Variants in PDLIM5 observed in about 807,000 individuals in gnomAD.
PDLIM5 encodes the protein PDZ and LIM domain protein 5.
A neutral mutation model predicts 64.2 loss-of-function variants in PDLIM5; 34 were observed. The ratio of observed to expected loss-of-function variants is 0.53; its 90% CI spans 0.40 to 0.71. The LOEUF is 0.71. Ranked by LOEUF, PDLIM5 falls within the 30% of genes least tolerant of loss-of-function variation. PDLIM5 has a pLI of 0.00. For synonymous variants in PDLIM5, 253 were observed against 269.1 expected, an observed-to-expected ratio of 0.94 and a Z score of 0.59; for missense variants, 683 against 733.6, an observed-to-expected ratio of 0.93 and a Z score of 0.80.
chr4:94,608,075 G>A, intron 7 of PDLIM5: 7 of 1,531,494 alleles, frequency 4.6e-6, no homozygotes, highest in Middle Eastern at 1.7e-4. Flanking sequence ...CAGTGCTCTG[G>A]AAGACCTACC....
At chr4:94,491,327 T>A (rs1177613390) in intron 2 of PDLIM5, among the ~76,000 whole-genome samples, 1 of 152,180 alleles carries the variant, frequency 6.6e-6, no homozygotes, top group African/African-American at 2.4e-5. Context: ...CTGACATTGA[T>A]TATCCTTATC....
At chr4:94,476,872 T>C (rs1433892524) in intron 2 of PDLIM5, among the ~76,000 whole-genome samples, 1 of 152,236 alleles carries the variant, frequency 6.6e-6, no homozygotes, top group Non-Finnish European at 1.5e-5. Context: ...TGTAAAATAG[T>C]TATTAACAGT....
intron 3 of PDLIM5, among the ~76,000 whole-genome samples, chr4:94,563,946 T>TC (rs35394371): frequency 0.59 from 85,722 of 144,296 alleles, 28,215 homozygotes; most frequent in African/African-American, 0.88. Flanking sequence ...TCTTTTTTTT[T>TC]TTTCTTTCTT....
intron 2 of PDLIM5, among the ~76,000 whole-genome samples, chr4:94,513,349 C>A: frequency 6.6e-6 from 1 of 152,162 alleles, no homozygotes; most frequent in Non-Finnish European, 1.5e-5. Flanking sequence ...AATATTGATT[C>A]TTTCAATCCA....
intron 3 of PDLIM5, 141 bp downstream of exon 3, chr4:94,524,016 T>C: frequency 1.7e-6 from 1 of 585,966 alleles, no homozygotes; most frequent in East Asian, 2.8e-5. Flanking sequence ...GGCTCTTAAA[T>C]TGGATAATTA....
chr4:94,638,381 A>G (rs1258569690), intron 8 of PDLIM5, among the ~76,000 whole-genome samples: 4 of 152,204 alleles, frequency 2.6e-5, no homozygotes, highest in Admixed American at 1.3e-4. Context: ...AACATGGGCA[A>G]TAATAGAGCT....
At chr4:94,526,393 A>G (rs1418409615) in intron 3 of PDLIM5, among the ~76,000 whole-genome samples, 1 of 152,202 alleles carries the variant, frequency 6.6e-6, no homozygotes, top group Non-Finnish European at 1.5e-5. Context: ...TGAGTATACT[A>G]CTTAATCATA....
chr4:94,639,935 G>A (rs147543891), intron 8 of PDLIM5, among the ~76,000 whole-genome samples: 27 of 152,014 alleles, frequency 1.8e-4, no homozygotes, highest in East Asian at 1.4e-3. Context: ...GTCGAGGCAC[G>A]AGAATCGCTT....
Position 94,665,803 on chromosome 4 carries a change from A to G in PDLIM5, c.*1736A>G. ...GTGAACCAATTTCAAATGTGATCAC[A>G]AAGTTTGGAAAGCTTTTATTCACAG... On this transcript the variant is annotated 3_prime_UTR_variant, in exon 13 of 13. Transcript: ENST00000317968. 7.8e-7 allele frequency: 1 copy of G among 1,279,716 alleles called. No homozygotes were observed. The highest frequency in any genetic ancestry group is 9.8e-7 in the Non-Finnish European group (1 of 1,016,286). The allele number at this position is 1,279,716 out of a possible 1,614,324, so 79.3% of individuals were successfully genotyped here. A position where few individuals can be genotyped will look rare whatever the true frequency, so the allele number is the denominator to read the frequency against.
chr4:94,617,053 G>A (rs1039980377), intron 7 of PDLIM5, among the ~76,000 whole-genome samples: 1 of 152,148 alleles, frequency 6.6e-6, no homozygotes, highest in Non-Finnish European at 1.5e-5. Flanking sequence ...CAAAGTGCTG[G>A]GATTACAGGC....
At chr4:94,650,906 CT>C (rs1741795155) in intron 9 of PDLIM5, among the ~76,000 whole-genome samples, 2 of 151,996 alleles carry the variant, frequency 1.3e-5, no homozygotes, top group Non-Finnish European at 1.5e-5. Context: ...CAACCAAATG[CT>C]TTAAATCCCT....
At chr4:94,549,095 G>A (rs961551774) in intron 3 of PDLIM5, among the ~76,000 whole-genome samples, 1 of 152,140 alleles carries the variant, frequency 6.6e-6, no homozygotes, top group Non-Finnish European at 1.5e-5. Flanking sequence ...ATACTTGTTT[G>A]TAGAAAACAT....
intron 3 of PDLIM5, among the ~76,000 whole-genome samples, chr4:94,570,609 T>C (rs1734724174): frequency 6.6e-6 from 1 of 152,236 alleles, no homozygotes; most frequent in Non-Finnish European, 1.5e-5. Flanking sequence ...TTTGGAACAG[T>C]AGACTAGCTG....
chr4:94,662,838 C>T (rs1291939140), intron 12 of PDLIM5, among the ~76,000 whole-genome samples: 3 of 148,294 alleles, frequency 2.0e-5, no homozygotes, highest in African/African-American at 5.0e-5. Flanking sequence ...AAAAAAAAAC[C>T]TCTGTTACTG....
chr4:94,554,543 G>A (rs1229839852), intron 3 of PDLIM5, among the ~76,000 whole-genome samples: 1 of 152,130 alleles, frequency 6.6e-6, no homozygotes, highest in Admixed American at 6.5e-5. Context: ...AGGAAGATAG[G>A]TGTGAACAAG....
chr4:94,654,335 A>G (rs746256919), intron 9 of PDLIM5, 125 bp from the exon 10 acceptor site: 10 of 681,218 alleles, frequency 1.5e-5, no homozygotes, highest in Non-Finnish European at 2.4e-5. Context: ...CCATGAGTTC[A>G]GTCCTTAAGA....
Position 94,575,658 on chromosome 4 carries a change from C to T in PDLIM5, c.334C>T (p.Pro112Ser). 1 of 1,608,808 alleles carries T rather than the reference C, an allele frequency of 6.2e-7. No homozygotes were observed. The highest frequency in any genetic ancestry group is 8.5e-7 in the Non-Finnish European group (1 of 1,176,714). ...AGTTAAACCTGTGCCCATTACATCT[C>T]CTGCTGTGTCCAAAGTCACTTCCAC... ...EVVKPVPITS[P>S]AVSKVTSTNN... Residue 112 changes from proline (P) to serine (S), a missense_variant, in exon 5 of 13, where the codon CCT becomes TCT. By Grantham distance (74) the Pro-to-Ser change is moderately conservative. Transcript: ENST00000317968.
chr4:94,559,469 A>C (rs1045327065), intron 3 of PDLIM5, among the ~76,000 whole-genome samples: 17 of 152,236 alleles, frequency 1.1e-4, no homozygotes, highest in African/African-American at 3.9e-4. Flanking sequence ...ATCATGCTAC[A>C]TCTTGTTTTC....
chr4:94,529,664 A>G (rs58259952), intron 3 of PDLIM5, among the ~76,000 whole-genome samples: 3,870 of 152,312 alleles, frequency 0.025, 154 homozygotes, highest in African/African-American at 0.087. Flanking sequence ...ATCCTAAAAA[A>G]TAAGACTTGA....
Sources: gnomAD v4.1 joint callset for allele counts (sites outside exome capture counted in the v4.1 genomes callset) on GRCh38, gnomAD v4.1.1 for gene constraint, MANE v1.5 for transcripts, NCBI Gene and HGNC (gene_info 2026-07-23, HGNC 2026-07-21) for gene names.